Variants in EZH1 observed in about 807,000 individuals in gnomAD.
The protein encoded by EZH1 is enhancer of zeste 1 polycomb repressive complex 2 subunit.
A neutral mutation model predicts 100.5 loss-of-function variants in EZH1; 33 were observed. The ratio of observed to expected loss-of-function variants is 0.33; its 90% CI spans 0.25 to 0.44. EZH1 has a LOEUF of 0.44. EZH1 is among the 20% of genes least tolerant of loss of function. EZH1 has a pLI of 1.00. For synonymous variants in EZH1, 272 were observed against 313.8 expected (o/e 0.87, Z 1.41); for missense variants, 475 against 928.4 (o/e 0.51, Z 6.35).
In EZH1 at chr17:42,727,670, T is replaced by C. The variant is rs140377472; in HGVS notation, c.211A>G (p.Met71Val). The C allele has an allele frequency of 3.4e-5, 55 of 1,613,030 alleles. No individual in the cohort carries two copies. The African/African-American group carries it at 4.8e-4, about 14-fold the overall frequency. Residue 71 changes from methionine to valine, a missense_variant, in exon 4 of 21, where the codon ATG becomes GTG. Physicochemically the swap from Met to Val is conservative, Grantham distance 21 (BLOSUM62 1). Transcript: ENST00000428826. ...AAAGGGTGTCCACTCACAGGCTTCATTGACTGAACAGGTTGGACACGAAGC... is the reference window on the plus strand; with the variant it reads ...AAAGGGTGTCCACTCACAGGCTTCACTGACTGAACAGGTTGGACACGAAGC... The part of the protein sequence containing the change: ...KKLRVQPVQS[M>V]KPVSGHPFLK...
At chr17:42,702,614 G>A (rs757515815) in intron 20 of EZH1, 22 bp from the exon 21 acceptor site, 51 of 1,558,210 alleles carry the variant, frequency 3.3e-5, no homozygotes, top group Non-Finnish European at 4.4e-5. Context: ...CAGGGAAGAG[G>A]AACCAGGTTA....
Position 42,708,039 on chromosome 17 carries a change from G to T in EZH1, c.1579C>A (p.Pro527Thr). Residue 527 changes from proline (P) to threonine (T), a missense_variant, in exon 15 of 21, where the codon CCA becomes ACA. Pro to Thr is a conservative substitution (Grantham distance 38, BLOSUM62 -1). This residue lies in a region of EZH1 where 83 missense variants were observed against 142.1 expected (regional missense o/e 0.58). Coordinates refer to ENST00000428826, the MANE Select transcript of EZH1 (RefSeq NM_001991.5). ...QVYNYQPCDH[P>T]DRPCDSTCPC... Reference sequence around the variant, plus strand: ...CAGGTGCTGTCACAGGGGCGGTCTGGGTGGTCGCAGGGTTGGTAGTTGTAC... The same window carrying T: ...CAGGTGCTGTCACAGGGGCGGTCTGTGTGGTCGCAGGGTTGGTAGTTGTAC... 1 of 1,613,132 alleles carries T rather than the reference G, an allele frequency of 6.2e-7. No homozygotes were observed. Among genetic ancestry groups the T allele is most frequent in the Non-Finnish European group, 8.5e-7 (1 of 1,179,764 alleles).
At chr17:42,723,053 T>A in intron 5 of EZH1, 138 bp from the exon 6 acceptor site, 2 of 1,301,530 alleles carry the variant, frequency 1.5e-6, no homozygotes, top group Non-Finnish European at 2.1e-6. Flanking sequence ...TCCTGCATTT[T>A]AAACACTGGC....
Position 42,738,062 on chromosome 17 carries a change from G to T in EZH1, c.-103+6949C>A, listed in dbSNP as rs562681663. On this transcript the variant is annotated intron_variant, in intron 1 of 20. Transcript: ENST00000428826. ...ATGGTGGCGGGCACCTGTAGTCCCA[G>T]CTACTCAGGAGGCTGAGGCAGGAGA... Among the ~76,000 whole-genome samples the T allele has an allele frequency of 2.0e-5, 3 of 151,810 alleles. No individual in the cohort carries two copies. The South Asian group carries it at 6.2e-4, about 32-fold the overall frequency.
At chr17:42,721,868 A>G (rs1050631614) in intron 6 of EZH1, among the ~76,000 whole-genome samples, 1 of 151,680 alleles carries the variant, frequency 6.6e-6, no homozygotes, top group African/African-American at 2.4e-5. Context: ...AAAATAAGCC[A>G]GGGCCGGGCA....
At chr17:42,707,051 A>G (rs2053368503) in intron 15 of EZH1, among the ~76,000 whole-genome samples, 1 of 152,170 alleles carries the variant, frequency 6.6e-6, no homozygotes, top group Non-Finnish European at 1.5e-5. Context: ...TGGGAAGGGC[A>G]TGGTGGGATA....
intron 1 of EZH1, among the ~76,000 whole-genome samples, chr17:42,741,861 G>A (rs1193882449): frequency 6.6e-6 from 1 of 151,730 alleles, no homozygotes. Context: ...GCTAATTTTT[G>A]TAATGTTTTT....
At chr17:42,744,600 A>G (rs2054243191) in intron 1 of EZH1, among the ~76,000 whole-genome samples, 1 of 152,000 alleles carries the variant, frequency 6.6e-6, no homozygotes, top group South Asian at 2.1e-4. Flanking sequence ...CCCGGTCTCT[A>G]GCCCTCCCCA....
At chr17:42,729,874 C>T (rs956816037) in intron 2 of EZH1, among the ~76,000 whole-genome samples, 2 of 151,912 alleles carry the variant, frequency 1.3e-5, no homozygotes, top group African/African-American at 4.8e-5. Context: ...CCCGTCTCTA[C>T]TAAAAATACA....
rs966336067 is a variant in EZH1, at chr17:42,730,621, C to T, written c.-12+207G>A. Among the ~76,000 whole-genome samples, 6 of 149,710 alleles carry T rather than the reference C, an allele frequency of 4.0e-5. No individual in the cohort carries two copies. In the East Asian group the frequency reaches 5.9e-4, roughly 15 times the overall value. ...ACGCCATTCTCCTGCCTCAGCCTCC[C>T]GAGTAGCTGGGACTACAGGCGCCCG... On this transcript the variant is annotated intron_variant, in intron 2 of 20. Transcript: ENST00000428826.
chr17:42,709,299 G>T (rs1420721369), intron 13 of EZH1: 1 of 226,602 alleles, frequency 4.4e-6, no homozygotes, highest in Non-Finnish European at 8.8e-6. Flanking sequence ...GGCCTTTCAG[G>T]AATCTTCTCT....
At chr17:42,730,487 CTTTTTTTTT>C (rs1156867481) in intron 2 of EZH1, among the ~76,000 whole-genome samples, 6 of 66,660 alleles carry the variant, frequency 9.0e-5, no homozygotes, top group Admixed American at 2.1e-4. Flanking sequence ...AGTATGTATT[CTTTTTTTTT>C]TTTTTTTTTT....
In EZH1 at chr17:42,706,372, A is replaced by T. The variant is rs929231726; in HGVS notation, c.1661-187T>A. ...CATAGAAAACTGAGTGCTTCCCAAC[A>T]TTCATGCCTTCGAGTCAAAAAAGCA... On this transcript the variant is annotated intron_variant, in intron 15 of 20. Coordinates refer to ENST00000428826, the MANE Select transcript of EZH1 (RefSeq NM_001991.5). The surrounding 1 kb of genome is among the most constrained non-coding windows in gnomAD (Gnocchi z 4.4). 2.0e-5 allele frequency among the ~76,000 whole-genome samples: 3 copies of T among 152,140 alleles called. No individual in the cohort carries two copies. Among genetic ancestry groups the T allele is most frequent in the Non-Finnish European group, 4.4e-5 (3 of 68,024 alleles).
chr17:42,744,877 G>T, intron 1 of EZH1, 134 bp downstream of exon 1: 1 of 980,112 alleles, frequency 1.0e-6, no homozygotes, highest in South Asian at 1.6e-5. Flanking sequence ...TGCTACCCCC[G>T]GCCAGGCAGG....
chr17:42,700,313 G>A lies in EZH1; in HGVS notation c.*2219C>T, dbSNP rs2053217006. 1 of 152,782 alleles carries A rather than the reference G, an allele frequency of 6.5e-6. No homozygotes were observed. The highest frequency in any genetic ancestry group is 1.9e-4 in the East Asian group (1 of 5,336). 9.5% of individuals were successfully genotyped at this position (152,782 alleles called of 1,614,324 possible). A position where few individuals can be genotyped will look rare whatever the true frequency, so the allele number is the denominator to read the frequency against. ...TTTATTAAGAGGTCACAAGCCACAG[G>A]ACTTTAAAGTGCATGAAATTTATTG... On this transcript the variant is annotated 3_prime_UTR_variant, in exon 21 of 21. Coordinates refer to ENST00000428826, the MANE Select transcript of EZH1 (RefSeq NM_001991.5).
At position 42,718,860 on chromosome 17, in the gene EZH1, C is replaced by T. The variant is rs2053654478; in HGVS notation, c.768-243G>A. ...TTTGTTAAGATGGTGCTGGAGTTAA[C>T]TCTCCAGAAAAATGGCAGAGTAAAT... On this transcript the variant is annotated intron_variant, in intron 8 of 20. Transcript: ENST00000428826. The surrounding 1 kb of genome is among the most constrained non-coding windows in gnomAD (Gnocchi z 4.2). Among the ~76,000 whole-genome samples, 1 of 152,068 alleles carries T rather than the reference C, an allele frequency of 6.6e-6. No individual in the cohort carries two copies. The highest frequency in any genetic ancestry group is 6.6e-5 in the Admixed American group (1 of 15,248).
intron 1 of EZH1, among the ~76,000 whole-genome samples, chr17:42,739,064 A>G (rs2054126440): frequency 6.6e-6 from 1 of 152,082 alleles, no homozygotes; most frequent in Non-Finnish European, 1.5e-5. Context: ...CCCCTGGCCT[A>G]TATTTTTAAA....
chr17:42,709,326 A>T, intron 13 of EZH1: 1 of 218,848 alleles, frequency 4.6e-6, no homozygotes, highest in Non-Finnish European at 9.2e-6. Context: ...ACTGAAAGGG[A>T]GGAGCCACAG....
rs765698931 is a variant in EZH1, at chr17:42,724,380, C to T, written c.291G>A (p.Met97Ile). ...CAACTGTGTTCAGTGACCTCATTAA[C>T]ATATGTTGGCTTGCAAATCCCGGGA... ...SIFPGFASQHMLMRSLNTVAL... is the reference protein window; with the variant it reads ...SIFPGFASQHILMRSLNTVAL... Residue 97 changes from methionine to isoleucine, a missense_variant, in exon 5 of 21, where the codon ATG (methionine) becomes ATA (isoleucine). Around this residue, in one of 8 missense-constraint regions of EZH1, gnomAD observed 105 missense variants for 129.8 expected, o/e 0.81. Transcript: ENST00000428826. The T allele has an allele frequency of 7.4e-6, 12 of 1,614,100 alleles. No individual in the cohort carries two copies. Among genetic ancestry groups the T allele is most frequent in the Non-Finnish European group, 1.0e-5 (12 of 1,179,990 alleles).
Sources: allele counts gnomAD v4.1 joint callset (sites outside exome capture counted in the v4.1 genomes callset), GRCh38; gene constraint gnomAD v4.1.1; regional missense constraint gnomAD v4.1.1; non-coding constraint Gnocchi (gnomAD v3.1); transcripts MANE v1.5; gene names NCBI Gene and HGNC (gene_info 2026-07-23, HGNC 2026-07-21).